ARHGAP24: variants seen among roughly 807,000 people sequenced by gnomAD.
ARHGAP24 encodes rho GTPase-activating protein 24.
Under a neutral mutation model 76.4 loss-of-function variants are expected in ARHGAP24, and 50 were observed. The ratio of observed to expected loss-of-function variants is 0.65; its 90% CI spans 0.52 to 0.83. The LOEUF is 0.83. ARHGAP24 is among the 40% of genes least tolerant of loss of function. ARHGAP24 has a pLI of 0.00. For synonymous variants in ARHGAP24, 345 were observed against 323.3 expected (o/e 1.07, Z -0.72); for missense variants, 930 against 914.2 (o/e 1.02, Z -0.22).
At chr4:85,694,941 T>G (rs569673918) in intron 2 of ARHGAP24, among the ~76,000 whole-genome samples, 9 of 152,334 alleles carry the variant, frequency 5.9e-5, no homozygotes, top group African/African-American at 1.9e-4. Flanking sequence ...TCACACAAGA[T>G]ATTAATGGTA....
intron 3 of ARHGAP24, among the ~76,000 whole-genome samples, chr4:85,876,583 T>C (rs1023823346): frequency 7.2e-5 from 11 of 152,210 alleles, no homozygotes; most frequent in Admixed American, 3.9e-4. Flanking sequence ...ATCTGACATA[T>C]GCACTAAGTT....
At chr4:85,839,959 C>T (rs1430827414) in intron 3 of ARHGAP24, among the ~76,000 whole-genome samples, 1 of 146,536 alleles carries the variant, frequency 6.8e-6, no homozygotes, top group African/African-American at 2.5e-5. Context: ...AAGCGATTCT[C>T]CTGCCTCAGC....
chr4:85,827,346 C>G (rs147447954), intron 3 of ARHGAP24, among the ~76,000 whole-genome samples: 119 of 152,114 alleles, frequency 7.8e-4, no homozygotes, highest in Admixed American at 5.2e-4. Flanking sequence ...GCAAATACTT[C>G]AATTTTCTAA....
intron 3 of ARHGAP24, among the ~76,000 whole-genome samples, chr4:85,770,319 A>G (rs1383694616): frequency 6.6e-6 from 1 of 152,218 alleles, no homozygotes; most frequent in East Asian, 1.9e-4. Context: ...AGTAAGCTTA[A>G]TATTTAAAAA....
intron 3 of ARHGAP24, among the ~76,000 whole-genome samples, chr4:85,914,934 T>C (rs574475786): frequency 6.6e-6 from 1 of 152,228 alleles, no homozygotes; most frequent in Non-Finnish European, 1.5e-5. Context: ...CTTCCTCCTA[T>C]GTCAATCAGA....
Position 85,994,970 on chromosome 4 carries a change from G to A in ARHGAP24, c.1316G>A (p.Ser439Asn). The A allele has an allele frequency of 6.2e-7, 1 of 1,614,090 alleles. No homozygotes were observed. Among genetic ancestry groups the A allele is most frequent in the Non-Finnish European group, 8.5e-7 (1 of 1,180,026 alleles). Residue 439 changes from serine (S) to asparagine (N), a missense_variant, in exon 9 of 10, where the codon AGC becomes AAC. By Grantham distance (46) the Ser-to-Asn change is conservative (BLOSUM62 1). Transcript: ENST00000395184. Reference protein sequence around the residue: ...GSGIVTNGSFSSSNAEGLEKT... With the variant: ...GSGIVTNGSFNSSNAEGLEKT... ...GGGATAGTTACCAATGGGTCCTTCA[G>A]CAGCAGTAATGCAGAAGGTCTTGAG...
Position 85,683,109 on chromosome 4 carries a change from TGGGG to T in ARHGAP24, c.181-38772_181-38769del, listed in dbSNP as rs1205882687. On this transcript the variant is annotated intron_variant, in intron 2 of 9. Transcript: ENST00000395184. ...ATCAACTCTTAACTCTCTCAGTGTGTGGGGGGGTGGGGGGGGGGTGCGGGGGCTG... is the reference window on the plus strand; with the variant it reads ...ATCAACTCTTAACTCTCTCAGTGTGTGGGTGGGGGGGGGGTGCGGGGGCTG... Among the ~76,000 whole-genome samples, 9 of 17,482 alleles carry T rather than the reference TGGGG, an allele frequency of 5.1e-4. No individual in the cohort carries two copies. In the Admixed American group the frequency reaches 5.3e-3, roughly 10 times the overall value. The allele number at this position is 17,482 out of a possible 152,430, so 11.5% of individuals were successfully genotyped here. A position where few individuals can be genotyped will look rare whatever the true frequency, so the allele number is the denominator to read the frequency against.
chr4:85,894,811 A>G (rs560782865), intron 3 of ARHGAP24, among the ~76,000 whole-genome samples: 12 of 151,738 alleles, frequency 7.9e-5, no homozygotes, highest in Non-Finnish European at 1.0e-4. Context: ...AAATACCACA[A>G]TTAGCTGGGC....
chr4:85,495,916 T>C (rs924218428), intron 1 of ARHGAP24, among the ~76,000 whole-genome samples: 1 of 152,196 alleles, frequency 6.6e-6, no homozygotes, highest in Non-Finnish European at 1.5e-5. Context: ...TTTTATAGTA[T>C]CACATATTTT....
Position 85,631,461 on chromosome 4 carries a change from A to G in ARHGAP24, c.180+60740A>G, listed in dbSNP as rs564983490. On this transcript the variant is annotated intron_variant, in intron 2 of 9. Transcript: ENST00000395184. ...TACTCTTTGGATGATATAGTTTTTC[A>G]ACTAGCTGTAAGAAAAAAGTAACTT... Among the ~76,000 whole-genome samples, 47 of 152,212 alleles carry G rather than the reference A, an allele frequency of 3.1e-4. No homozygotes were observed. The South Asian group carries it at 9.5e-3, about 31-fold the overall frequency.
At chr4:85,642,149 A>G (rs1422943659) in intron 2 of ARHGAP24, among the ~76,000 whole-genome samples, 1 of 152,128 alleles carries the variant, frequency 6.6e-6, no homozygotes, top group African/African-American at 2.4e-5. Context: ...AAGACAGAAA[A>G]ACAGGGGAAG....
intron 3 of ARHGAP24, among the ~76,000 whole-genome samples, chr4:85,744,232 A>T (rs1725941439): frequency 6.6e-6 from 1 of 152,206 alleles, no homozygotes. Context: ...ACCCTTGAGT[A>T]CTTTACTTGT....
At chr4:85,711,162 C>T (rs182100031) in intron 2 of ARHGAP24, among the ~76,000 whole-genome samples, 1 of 152,136 alleles carries the variant, frequency 6.6e-6, no homozygotes, top group African/African-American at 2.4e-5. Flanking sequence ...AACCAAATAC[C>T]AGATGTTCTC....
At chr4:85,800,919 C>T (rs186073024) in intron 3 of ARHGAP24, among the ~76,000 whole-genome samples, 291 of 152,290 alleles carry the variant, frequency 1.9e-3, no homozygotes, top group African/African-American at 3.8e-3. Context: ...AGAAAAAGAT[C>T]ATTCATATTA....
chr4:85,870,652 T>G (rs1163195448), intron 3 of ARHGAP24, among the ~76,000 whole-genome samples: 6 of 152,164 alleles, frequency 3.9e-5, no homozygotes, highest in African/African-American at 1.4e-4. Context: ...GTGTTTTTTA[T>G]GTGGGGATAG....
chr4:85,594,404 T>C (rs1313289154), intron 2 of ARHGAP24, among the ~76,000 whole-genome samples: 1 of 152,072 alleles, frequency 6.6e-6, no homozygotes, highest in African/African-American at 2.4e-5. Context: ...ACAAGGATAA[T>C]TTGACTTCTT....
At chr4:85,966,580 G>A (rs543351193) in intron 5 of ARHGAP24, among the ~76,000 whole-genome samples, 1 of 152,160 alleles carries the variant, frequency 6.6e-6, no homozygotes, top group African/African-American at 2.4e-5. Flanking sequence ...TTTTTAAAGA[G>A]ATGCTGAATT....
At chr4:85,645,253 G>A (rs1721680712) in intron 2 of ARHGAP24, among the ~76,000 whole-genome samples, 1 of 152,024 alleles carries the variant, frequency 6.6e-6, no homozygotes, top group African/African-American at 2.4e-5. Context: ...TCACGCTCTG[G>A]TTATTGGCAC....
chr4:85,989,002 T>C (rs1177437332), intron 8 of ARHGAP24, among the ~76,000 whole-genome samples: 1 of 151,192 alleles, frequency 6.6e-6, no homozygotes, highest in Non-Finnish European at 1.5e-5. Context: ...AAATAAGAGG[T>C]AATTTAAACC....
Sources: gnomAD v4.1 joint callset for allele counts (sites outside exome capture counted in the v4.1 genomes callset) on GRCh38, gnomAD v4.1.1 for gene constraint, MANE v1.5 for transcripts, NCBI Gene and HGNC (gene_info 2026-07-23, HGNC 2026-07-21) for gene names.